The following PIK3CB variants were observed in gnomAD, a reference collection of about 807,000 sequenced individuals.
PIK3CB encodes the protein phosphatidylinositol-4,5-bisphosphate 3-kinase catalytic subunit beta.
In PIK3CB, 39 loss-of-function variants were observed where a neutral mutation model predicts 136.8. That is an observed-to-expected ratio of 0.29 (90% confidence interval 0.22 to 0.37). PIK3CB has a LOEUF of 0.37. PIK3CB is among the 10% of genes least tolerant of loss of function. PIK3CB has a pLI of 1.00. For synonymous variants in PIK3CB, 428 were observed against 436.6 expected (o/e 0.98, Z 0.25); for missense variants, 868 against 1,275.4 (o/e 0.68, Z 4.87).
At chr3:138,689,421 G>A (rs1016663269) in intron 15 of PIK3CB, among the ~76,000 whole-genome samples, 3 of 152,208 alleles carry the variant, frequency 2.0e-5, no homozygotes, top group Non-Finnish European at 4.4e-5. Context: ...AGCCTCCCGA[G>A]TAGCTGGGAT....
chr3:138,777,486 T>C (rs1321022678), intron 2 of PIK3CB, among the ~76,000 whole-genome samples: 2 of 152,180 alleles, frequency 1.3e-5, no homozygotes, highest in African/African-American at 2.4e-5. Flanking sequence ...ATAGCCAAAC[T>C]TCTGAGTGAA....
intron 1 of PIK3CB, among the ~76,000 whole-genome samples, chr3:138,810,725 T>C (rs561170039): frequency 4.3e-4 from 66 of 151,860 alleles, no homozygotes; most frequent in African/African-American, 1.5e-3. Context: ...GAGACCATCC[T>C]GGCTAACACC....
chr3:138,830,219 C>G (rs1352797565), intron 1 of PIK3CB, among the ~76,000 whole-genome samples: 1 of 152,096 alleles, frequency 6.6e-6, no homozygotes, highest in African/African-American at 2.4e-5. Flanking sequence ...ACCACCACAA[C>G]CACCCCCTGC....
At chr3:138,659,166 C>CA (rs1559794551) in intron 21 of PIK3CB, among the ~76,000 whole-genome samples, 1 of 152,230 alleles carries the variant, frequency 6.6e-6, no homozygotes, top group African/African-American at 2.4e-5. Flanking sequence ...CCCCACCCCC[C>CA]AGTTATGACA....
intron 1 of PIK3CB, among the ~76,000 whole-genome samples, chr3:138,821,551 G>T (rs536429276): frequency 6.6e-6 from 1 of 152,134 alleles, no homozygotes; most frequent in Non-Finnish European, 1.5e-5. Context: ...CTGGGAGGCC[G>T]AGATGGGTGG....
At chr3:138,815,706 G>A (rs1933295983) in intron 1 of PIK3CB, among the ~76,000 whole-genome samples, 1 of 152,070 alleles carries the variant, frequency 6.6e-6, no homozygotes, top group Non-Finnish European at 1.5e-5. Flanking sequence ...GTTATCTCTA[G>A]AACATACAGT....
chr3:138,661,250 G>C (rs909496537), intron 21 of PIK3CB, among the ~76,000 whole-genome samples: 3 of 152,280 alleles, frequency 2.0e-5, no homozygotes, highest in African/African-American at 7.2e-5. Context: ...CATAGGGAAG[G>C]GGACTTGAGT....
chr3:138,732,134 A>C (rs920445736), intron 8 of PIK3CB, among the ~76,000 whole-genome samples: 8 of 152,204 alleles, frequency 5.3e-5, no homozygotes, highest in African/African-American at 1.9e-4. Context: ...CTACACAGTC[A>C]AGTAAATCAA....
chr3:138,819,347 C>CA (rs201136042), intron 1 of PIK3CB, among the ~76,000 whole-genome samples: 1,228 of 106,032 alleles, frequency 0.012, 2 homozygotes, highest in Middle Eastern at 0.017. Flanking sequence ...ACTCCGTCTC[C>CA]AAAAAAAAAA....
intron 19 of PIK3CB, among the ~76,000 whole-genome samples, chr3:138,672,406 C>T (rs954175205): frequency 2.6e-5 from 4 of 152,152 alleles, no homozygotes; most frequent in African/African-American, 9.7e-5. Flanking sequence ...ATTGTGTGTA[C>T]AGGCCTTTGG....
At chr3:138,771,554 C>T (rs904019747) in intron 2 of PIK3CB, among the ~76,000 whole-genome samples, 1 of 151,940 alleles carries the variant, frequency 6.6e-6, no homozygotes, top group East Asian at 1.9e-4. Flanking sequence ...TTATTTATTC[C>T]GAATTGCTAT....
intron 2 of PIK3CB, among the ~76,000 whole-genome samples, chr3:138,772,971 A>G (rs767469427): frequency 6.6e-6 from 1 of 151,598 alleles, no homozygotes; most frequent in Non-Finnish European, 1.5e-5. Flanking sequence ...TATTTTTAGT[A>G]GAGATGAGTT....
Position 138,812,239 on chromosome 3 carries a change from GT to G in PIK3CB, c.-121-15673del, listed in dbSNP as rs35484938. On this transcript the variant is annotated intron_variant, in intron 1 of 23. Coordinates refer to ENST00000674063, the MANE Select transcript of PIK3CB (RefSeq NM_006219.3). Reference sequence around the variant, plus strand: ...GGGCTATAAAAAGGTAGAATGAGAGGTTTTTTTTTTTTTGGGGGGACAGAGT... The same window carrying G: ...GGGCTATAAAAAGGTAGAATGAGAGGTTTTTTTTTTTTGGGGGGACAGAGT... 2.3e-3 allele frequency among the ~76,000 whole-genome samples: 336 copies of G among 148,374 alleles called. 1 individual carries two copies. The highest frequency in any genetic ancestry group is 7.9e-3 in the African/African-American group (314 of 39,998).
chr3:138,704,631 C>CA (rs1346992494), intron 11 of PIK3CB, 138 bp from the exon 12 acceptor site: 2 of 653,240 alleles, frequency 3.1e-6, no homozygotes, highest in African/African-American at 3.6e-5. Flanking sequence ...ATTTTAAAAG[C>CA]AAAATGATGC....
intron 1 of PIK3CB, among the ~76,000 whole-genome samples, chr3:138,833,877 G>C (rs1384454762): frequency 6.6e-6 from 1 of 152,186 alleles, no homozygotes; most frequent in Non-Finnish European, 1.5e-5. Context: ...TTCCCACTCA[G>C]TACCTGAGAC....
At chr3:138,694,553 G>C (rs981754654) in intron 14 of PIK3CB, among the ~76,000 whole-genome samples, 1 of 151,920 alleles carries the variant, frequency 6.6e-6, no homozygotes, top group African/African-American at 2.4e-5. Flanking sequence ...TCCTCCCAGT[G>C]AGTCATCAAA....
At chr3:138,782,326 C>T (rs1402178529) in intron 2 of PIK3CB, among the ~76,000 whole-genome samples, 1 of 152,190 alleles carries the variant, frequency 6.6e-6, no homozygotes, top group Non-Finnish European at 1.5e-5. Flanking sequence ...CCTTTAGCAT[C>T]TCATAATCCT....
At chr3:138,809,410 A>G (rs1037135310) in intron 1 of PIK3CB, among the ~76,000 whole-genome samples, 38 of 151,966 alleles carry the variant, frequency 2.5e-4, no homozygotes, top group African/African-American at 8.2e-4. Context: ...GTTCAAGACC[A>G]GCCTGGCCAA....
chr3:138,825,628 C>T (rs112629207), intron 1 of PIK3CB: 4 of 625,342 alleles, frequency 6.4e-6, no homozygotes, highest in Non-Finnish European at 1.2e-5. Flanking sequence ...AACCATGCTA[C>T]TCGAAGCTCT....
Sources: allele counts gnomAD v4.1 joint callset (sites outside exome capture counted in the v4.1 genomes callset), GRCh38; gene constraint gnomAD v4.1.1; transcripts MANE v1.5; gene names NCBI Gene and HGNC (gene_info 2026-07-23, HGNC 2026-07-21).